PLPP5: variants seen among roughly 807,000 people sequenced by gnomAD.
The protein encoded by PLPP5 is diacylglycerol pyrophosphate like 1.
Under a neutral mutation model 23.6 loss-of-function variants are expected in PLPP5, and 29 were observed. The observed-to-expected ratio is 1.23, with a 90% CI of 0.92 to 1.68. The LOEUF (loss-of-function observed/expected upper bound fraction) is 1.68, where lower values mean the gene tolerates loss of function less well. Ranked by LOEUF, PLPP5 falls within the 40% of genes most tolerant of loss-of-function variation. The probability of loss-of-function intolerance (pLI) is 0.00; values close to 1 mark genes in which losing one functional copy is unlikely to be tolerated. For synonymous variants in PLPP5, 143 were observed against 131.3 expected, an observed-to-expected ratio of 1.09 and a Z score of -0.61; for missense variants, 315 against 332.1, an observed-to-expected ratio of 0.95 and a Z score of 0.40.
Position 38,268,935 on chromosome 8 carries a change from G to C in PLPP5, c.130C>G (p.Leu44Val). Residue 44 changes from leucine (L) to valine (V), a missense_variant, in exon 2 of 7, where the codon CTC becomes GTC. By Grantham distance (32) the Leu-to-Val change is conservative (BLOSUM62 1). Coordinates refer to ENST00000424479, the MANE Select transcript of PLPP5 (RefSeq NM_001102559.2). ...GCCTCCACGTAGGGGTTCCGGTAGAGCCACATCTCCTCCGGCTGGATGAGT... is the reference window on the plus strand; with the variant it reads ...GCCTCCACGTAGGGGTTCCGGTAGACCCACATCTCCTCCGGCTGGATGAGT... Reference protein sequence around the residue: ...QRLIQPEEMWLYRNPYVEAEY... With the variant: ...QRLIQPEEMWVYRNPYVEAEY... The C allele has an allele frequency of 6.4e-7, 1 of 1,563,244 alleles. No homozygotes were observed. The highest frequency in any genetic ancestry group is 8.6e-7 in the Non-Finnish European group (1 of 1,160,578).
Position 38,263,534 on chromosome 8 carries a change from T to C in PLPP5, c.*910A>G, listed in dbSNP as rs1489281408. 2 of 985,342 alleles carry C rather than the reference T, an allele frequency of 2.0e-6. No individual in the cohort carries two copies. The highest frequency in any genetic ancestry group is 1.2e-4 in the Admixed American group (2 of 16,274). The allele number at this position is 985,342 out of a possible 1,614,324, so 61.0% of individuals were successfully genotyped here. ...TTTTCTTCTTTATTATTGTTTTCAC[T>C]TAGTAATTCAACAAATTGTTTATGC... On this transcript the variant is annotated 3_prime_UTR_variant, in exon 7 of 7. Coordinates refer to ENST00000424479, the MANE Select transcript of PLPP5 (RefSeq NM_001102559.2).
chr8:38,266,639 G>A (rs937795370), intron 5 of PLPP5, among the ~76,000 whole-genome samples: 13 of 152,132 alleles, frequency 8.5e-5, no homozygotes. Flanking sequence ...GGCCTCAAGT[G>A]ACCTGCATGC....
intron 4 of PLPP5, 24 bp downstream of exon 4, chr8:38,267,873 G>T: frequency 6.2e-7 from 1 of 1,611,484 alleles, no homozygotes; most frequent in South Asian, 1.1e-5. Context: ...GCAGATGCTG[G>T]GGTGGTTAGC....
At chr8:38,269,039 G>C in intron 1 of PLPP5, 49 bp from the exon 2 acceptor site, 5 of 1,530,418 alleles carry the variant, frequency 3.3e-6, no homozygotes, top group South Asian at 1.2e-5. Flanking sequence ...CTTCCTCCCC[G>C]CTTCCCCACT....
At chr8:38,268,133 A>G (rs1807979595) in intron 3 of PLPP5, 173 bp from the exon 4 acceptor site, 15 of 1,413,630 alleles carry the variant, frequency 1.1e-5, no homozygotes, top group Non-Finnish European at 1.4e-5. Flanking sequence ...GAACTTTTGT[A>G]CTAGGCCAAA....
Position 38,263,862 on chromosome 8 carries a change from A to C in PLPP5, c.*582T>G. 1 of 985,336 alleles carries C rather than the reference A, an allele frequency of 1.0e-6. No individual in the cohort carries two copies. The highest frequency in any genetic ancestry group is 1.2e-6 in the Non-Finnish European group (1 of 829,832). 61.0% of individuals were successfully genotyped at this position (985,336 alleles called of 1,614,324 possible). ...GAATGGCATTTAAATTAAATGTAAA[A>C]ACACTGTAGATCTTCAGATATTAAT... is the stretch of plus-strand genomic sequence containing the variant. On this transcript the variant is annotated 3_prime_UTR_variant, in exon 7 of 7. Transcript: ENST00000424479.
At position 38,264,463 on chromosome 8, in the gene PLPP5, GA is replaced by G; in HGVS notation, c.775del (p.Ser259LeufsTer9). The G allele has an allele frequency of 6.5e-7, 1 of 1,548,968 alleles. No individual in the cohort carries two copies. The highest frequency in any genetic ancestry group is 8.7e-7 in the Non-Finnish European group (1 of 1,146,398). Reference protein sequence around the residue: ...VLSTAQKPGDSYCFDI With the variant: ...VLSTAQKPGDXYCFDI The stretch of plus-strand genomic sequence containing the variant: ...CAATTTTTAAATATCAAAACAATAA[GA>G]ATCCCCAGGCTTCTGTGCAGTGGAA... On this transcript the variant is annotated frameshift_variant, in exon 7 of 7. Transcript: ENST00000424479. LOFTEE classifies it high-confidence loss of function.
Position 38,264,149 on chromosome 8 carries a change from CA to C in PLPP5, c.*294del. ...CACCTGTTCTCTATTGAGATAGATT[CA>C]ATTTTTTTTTTTTTTGAGATGGGGT... On this transcript the variant is annotated 3_prime_UTR_variant, in exon 7 of 7. Coordinates refer to ENST00000424479, the MANE Select transcript of PLPP5 (RefSeq NM_001102559.2). The C allele has an allele frequency of 2.9e-6, 3 of 1,029,820 alleles. No individual in the cohort carries two copies. Among genetic ancestry groups the C allele is most frequent in the Non-Finnish European group, 3.5e-6 (3 of 856,042 alleles). The allele number at this position is 1,029,820 out of a possible 1,614,324, so 63.8% of individuals were successfully genotyped here. A position where few individuals can be genotyped will look rare whatever the true frequency, so the allele number is the denominator to read the frequency against.
Position 38,263,476 on chromosome 8 carries a change from C to T in PLPP5, c.*968G>A, listed in dbSNP as rs934475568. Reference sequence around the variant, plus strand: ...GGTCAAATGAGGTAGAAACAGTCATCTGTTAGTAGTGCTGAAACCACACTC... The same window carrying T: ...GGTCAAATGAGGTAGAAACAGTCATTTGTTAGTAGTGCTGAAACCACACTC... On this transcript the variant is annotated 3_prime_UTR_variant, in exon 7 of 7. Transcript: ENST00000424479. 6.6e-5 allele frequency: 65 copies of T among 985,232 alleles called. No individual in the cohort carries two copies. Among genetic ancestry groups the T allele is most frequent in the Non-Finnish European group, 7.5e-5 (62 of 829,852 alleles). 61.0% of individuals were successfully genotyped at this position (985,232 alleles called of 1,614,324 possible). A position where few individuals can be genotyped will look rare whatever the true frequency, so the allele number is the denominator to read the frequency against.
At chr8:38,267,414 G>T in intron 4 of PLPP5, 23 bp from the exon 5 acceptor site, 1 of 1,606,766 alleles carries the variant, frequency 6.2e-7, no homozygotes, top group South Asian at 1.1e-5. Context: ...AGCATGGTTG[G>T]AACGTAAATC....
Position 38,268,434 on chromosome 8 carries a change from G to C in PLPP5, c.211C>G (p.Leu71Val), listed in dbSNP as rs761365124. The C allele has an allele frequency of 2.3e-5, 36 of 1,575,020 alleles. 1 individual carries two copies. The South Asian group carries it at 4.1e-4, about 18-fold the overall frequency. ...TTGAGAAATTTGGCCAGGAAGATCA[G>C]AGACAGTGGAGAGAGAAATGCAATA... ...FVIAFLSPLS[L>V]IFLAKFLKKA... Residue 71 changes from leucine (L) to valine (V), a missense_variant, in exon 3 of 7, where the codon CTG becomes GTG. Transcript: ENST00000424479.
intron 1 of PLPP5, 35 bp downstream of exon 1, chr8:38,269,091 G>A (rs1295892237): frequency 7.2e-6 from 11 of 1,526,694 alleles, no homozygotes; most frequent in Non-Finnish European, 9.6e-6. Flanking sequence ...CCTGGGAAGC[G>A]GGGCCGCCCG....
At chr8:38,265,235 CA>C (rs1807405588) in intron 6 of PLPP5, among the ~76,000 whole-genome samples, 1 of 139,164 alleles carries the variant, frequency 7.2e-6, no homozygotes, top group African/African-American at 2.7e-5. Flanking sequence ...CACTGCACTC[CA>C]GCCTGGGCGC....
chr8:38,266,366 C>A, intron 5 of PLPP5, 55 bp from the exon 6 acceptor site: 3 of 1,472,196 alleles, frequency 2.0e-6, no homozygotes, highest in Non-Finnish European at 2.8e-6. Flanking sequence ...CTACCTCATT[C>A]ATCCCCACAT....
intron 3 of PLPP5, 41 bp from the exon 4 acceptor site, chr8:38,268,001 G>C: frequency 1.2e-6 from 2 of 1,613,856 alleles, no homozygotes; most frequent in Non-Finnish European, 1.7e-6. Context: ...CTGTCTAGGA[G>C]GAAAGGTATG....
At chr8:38,266,463 C>T (rs1053494797) in intron 5 of PLPP5, 152 bp from the exon 6 acceptor site, 45 of 707,738 alleles carry the variant, frequency 6.4e-5, no homozygotes, top group African/African-American at 5.4e-4. Flanking sequence ...TGCAGTGGCA[C>T]CATCTCGGCT....
intron 5 of PLPP5, 197 bp from the exon 6 acceptor site, chr8:38,266,508 C>G: frequency 1.9e-6 from 1 of 526,652 alleles, no homozygotes; most frequent in Non-Finnish European, 3.4e-6. Flanking sequence ...TCAAGCGATT[C>G]TCCTGCCTTA....
Position 38,268,909 on chromosome 8 carries a change from C to T in PLPP5, c.156G>A (p.Ala52=), listed in dbSNP as rs1369941461. 2.8e-5 allele frequency: 44 copies of T among 1,557,102 alleles called. No individual in the cohort carries two copies. The East Asian group carries it at 1.0e-3, about 36-fold the overall frequency. ...MWLYRNPYVE[A]EYFPTKPMFV... ...ACATCGGCTTGGTGGGGAAATACTC[C>T]GCCTCCACGTAGGGGTTCCGGTAGA... The change falls in exon 2 of 7, where the codon GCG becomes GCA. Residue 52 remains alanine (A), a synonymous_variant. Coordinates refer to ENST00000424479, the MANE Select transcript of PLPP5 (RefSeq NM_001102559.2).
In PLPP5 at chr8:38,266,216, C is replaced by T. The variant is rs1396099834; in HGVS notation, c.559G>A (p.Ala187Thr). 2 of 1,613,858 alleles carry T rather than the reference C, an allele frequency of 1.2e-6. No individual in the cohort carries two copies. The highest frequency in any genetic ancestry group is 2.2e-5 in the South Asian group (2 of 91,020). ...GCAAAAAGTAGAGGTGACAGAAAGGCACAGAACCTCCAAGATTTCCCACGG... is the reference window on the plus strand; with the variant it reads ...GCAAAAAGTAGAGGTGACAGAAAGGTACAGAACCTCCAAGATTTCCCACGG... ...QGRGKSWRFCAFLSPLLFAAV... is the reference protein window; with the variant it reads ...QGRGKSWRFCTFLSPLLFAAV... Residue 187 changes from alanine (A) to threonine (T), a missense_variant, in exon 6 of 7, where the codon GCC (alanine) becomes ACC (threonine). Ala to Thr is a moderately conservative substitution (Grantham distance 58, BLOSUM62 0). Coordinates refer to ENST00000424479, the MANE Select transcript of PLPP5 (RefSeq NM_001102559.2).
Sources: gnomAD v4.1 joint callset for allele counts (sites outside exome capture counted in the v4.1 genomes callset) on GRCh38, gnomAD v4.1.1 for gene constraint, MANE v1.5 for transcripts, NCBI Gene and HGNC (gene_info 2026-07-23, HGNC 2026-07-21) for gene names.